EFCAB8: variants seen among roughly 807,000 people sequenced by gnomAD.
EFCAB8 encodes EF-hand calcium binding domain 8.
Under a neutral mutation model 116.3 loss-of-function variants are expected in EFCAB8, and 100 were observed. The ratio of observed to expected loss-of-function variants is 0.86; its 90% CI spans 0.73 to 1.02. The LOEUF is 1.02. Ranked by LOEUF, EFCAB8 falls within the 50% of genes least tolerant of loss-of-function variation. EFCAB8 has a pLI of 0.00. For missense variants in EFCAB8, 1,320 were observed against 1,416.9 expected, an observed-to-expected ratio of 0.93 and a Z score of 1.10; for synonymous variants, 558 against 567.9, an observed-to-expected ratio of 0.98 and a Z score of 0.25.
rs190404797 is a variant in EFCAB8 at position 32,865,766 on chromosome 20, A to G, written c.43-1816A>G. On this transcript the variant is annotated intron_variant, in intron 2 of 26. Coordinates refer to ENST00000400522, the MANE Select transcript of EFCAB8 (RefSeq NM_001143967.2). ...GTGAGCTGAGATCGCACCACGCTCC[A>G]GCTGGGTGACAGAGTGAGACTCTGT... Among the ~76,000 whole-genome samples, 8 of 151,224 alleles carry G rather than the reference A, an allele frequency of 5.3e-5. No individual in the cohort carries two copies. The East Asian group carries it at 1.6e-3, about 30-fold the overall frequency.
intron 23 of EFCAB8, among the ~76,000 whole-genome samples, chr20:32,948,957 G>T (rs766297312): frequency 6.6e-6 from 1 of 151,898 alleles, no homozygotes; most frequent in Non-Finnish European, 1.5e-5. Context: ...ATGTCACTTC[G>T]ATTCAAAATT....
intron 18 of EFCAB8, among the ~76,000 whole-genome samples, chr20:32,917,981 G>A (rs1030941143): frequency 6.6e-6 from 1 of 152,224 alleles, no homozygotes; most frequent in African/African-American, 2.4e-5. Flanking sequence ...GGAGAGAGAT[G>A]CTTGGAAGCT....
At chr20:32,919,120 GT>G (rs1322872431) in intron 19 of EFCAB8, among the ~76,000 whole-genome samples, 3 of 152,194 alleles carry the variant, frequency 2.0e-5, no homozygotes, top group African/African-American at 7.2e-5. Flanking sequence ...AGGAGTTACT[GT>G]TTCCCTACTT....
chr20:32,946,436 TCATTCATCTGGG>T (rs1469033207), intron 23 of EFCAB8, among the ~76,000 whole-genome samples: 1 of 152,226 alleles, frequency 6.6e-6, no homozygotes, highest in African/African-American at 2.4e-5. Flanking sequence ...GTTTGTTTTT[TCATTCATCTGGG>T]ATGAATGGTC....
At chr20:32,880,113 G>A (rs1026930461) in intron 5 of EFCAB8, among the ~76,000 whole-genome samples, 1 of 152,138 alleles carries the variant, frequency 6.6e-6, no homozygotes, top group Admixed American at 6.5e-5. Flanking sequence ...GCCTACATTT[G>A]TGACCAGGTC....
intron 22 of EFCAB8, among the ~76,000 whole-genome samples, chr20:32,938,946 C>T (rs564122892): frequency 1.4e-5 from 2 of 145,670 alleles, no homozygotes; most frequent in African/African-American, 2.6e-5. Context: ...TTCCCTCCCT[C>T]CCTTCCTTCC....
At chr20:32,924,557 T>G (rs1026958242) in intron 20 of EFCAB8, among the ~76,000 whole-genome samples, 1 of 152,138 alleles carries the variant, frequency 6.6e-6, no homozygotes, top group African/African-American at 2.4e-5. Context: ...CCCAATGAGG[T>G]GAAGTGACTT....
intron 6 of EFCAB8, among the ~76,000 whole-genome samples, chr20:32,885,988 G>A (rs1460401479): frequency 5.9e-5 from 9 of 152,188 alleles, no homozygotes; most frequent in Non-Finnish European, 1.0e-4. Context: ...TCCTGTGCTA[G>A]GGGTCAGCCA....
intron 17 of EFCAB8, among the ~76,000 whole-genome samples, chr20:32,916,088 T>C (rs1301620290): frequency 1.3e-5 from 2 of 152,188 alleles, no homozygotes; most frequent in Non-Finnish European, 1.5e-5. Context: ...CAGAATACCA[T>C]AGAGTAGGTG....
At chr20:32,866,872 T>C (rs1423739106) in intron 2 of EFCAB8, among the ~76,000 whole-genome samples, 1 of 150,450 alleles carries the variant, frequency 6.6e-6, no homozygotes, top group East Asian at 2.0e-4. Context: ...TTTCTTTCTT[T>C]CCTTCCTTCC....
chr20:32,914,451 G>A (rs887318819), intron 17 of EFCAB8, among the ~76,000 whole-genome samples: 6 of 152,196 alleles, frequency 3.9e-5, no homozygotes, highest in Non-Finnish European at 4.4e-5. Flanking sequence ...ACAGTGCTTG[G>A]CTATGTCTTT....
intron 16 of EFCAB8, among the ~76,000 whole-genome samples, chr20:32,912,110 ACTTC>A (rs1986952850): frequency 1.3e-5 from 2 of 152,060 alleles, no homozygotes; most frequent in Non-Finnish European, 2.9e-5. Flanking sequence ...TTCCACCCTA[ACTTC>A]TGTGACACAG....
At chr20:32,890,295 C>G (rs1985850206) in intron 7 of EFCAB8, among the ~76,000 whole-genome samples, 1 of 152,162 alleles carries the variant, frequency 6.6e-6, no homozygotes, top group African/African-American at 2.4e-5. Flanking sequence ...TCTCTCTGCC[C>G]CAACAGCCTC....
chr20:32,885,873 C>T (rs1391827940), intron 6 of EFCAB8, among the ~76,000 whole-genome samples: 2 of 152,202 alleles, frequency 1.3e-5, no homozygotes, highest in Non-Finnish European at 2.9e-5. Context: ...TCACAGGCCC[C>T]TCAAATCCAT....
chr20:32,878,684 T>C lies in EFCAB8; in HGVS notation c.328-20T>C, dbSNP rs1379918843. The C allele has an allele frequency of 2.6e-6, 4 of 1,546,776 alleles. No individual in the cohort carries two copies. In the African/African-American group the frequency reaches 5.5e-5, roughly 21 times the overall value. On this transcript the variant is annotated intron_variant, in intron 4 of 26. Coordinates refer to ENST00000400522, the MANE Select transcript of EFCAB8 (RefSeq NM_001143967.2). ...CATTTTGCCAATACCCTGCCTCCCT[T>C]GTGCTTTCTTTCGAGGCAGCAAAAG...
At chr20:32,894,372 G>A (rs569211070) in intron 9 of EFCAB8, among the ~76,000 whole-genome samples, 1 of 152,350 alleles carries the variant, frequency 6.6e-6, no homozygotes, top group South Asian at 2.1e-4. Flanking sequence ...CACCCTGCTT[G>A]CCTCATTGGC....
At position 32,869,340 on chromosome 20, in the gene EFCAB8, A is replaced by T. The variant is rs574996310; in HGVS notation, c.208+1593A>T. 4.6e-5 allele frequency among the ~76,000 whole-genome samples: 7 copies of T among 151,772 alleles called. No homozygotes were observed. The East Asian group carries it at 1.4e-3, about 30-fold the overall frequency. On this transcript the variant is annotated intron_variant, in intron 3 of 26. Transcript: ENST00000400522. ...GCAACCTCCGCCTCTGGTTCAAGCG[A>T]TTCTCCTGTCTCAGCCTCCCAAGTA...
At chr20:32,899,992 G>A (rs887711489) in intron 11 of EFCAB8, among the ~76,000 whole-genome samples, 9 of 152,070 alleles carry the variant, frequency 5.9e-5, no homozygotes, top group Non-Finnish European at 7.4e-5. Flanking sequence ...GTTTTCCTCC[G>A]GCCCCTAGTC....
At chr20:32,907,362 T>C (rs1986726276) in intron 13 of EFCAB8, among the ~76,000 whole-genome samples, 1 of 150,218 alleles carries the variant, frequency 6.7e-6, no homozygotes, top group Non-Finnish European at 1.5e-5. Context: ...TCCCCTGCGC[T>C]GCCCCTGCCC....
Sources: allele counts gnomAD v4.1 joint callset (sites outside exome capture counted in the v4.1 genomes callset), GRCh38; gene constraint gnomAD v4.1.1; transcripts MANE v1.5; gene names NCBI Gene and HGNC (gene_info 2026-07-23, HGNC 2026-07-21).